The following WWOX variants were observed in gnomAD, a reference collection of about 807,000 sequenced individuals.
WWOX encodes the protein WW domain-containing oxidoreductase.
In WWOX, 69 loss-of-function variants were observed where a neutral mutation model predicts 46.2. The ratio of observed to expected loss-of-function variants is 1.49; its 90% CI spans 1.23 to 1.82. The LOEUF (loss-of-function observed/expected upper bound fraction) is 1.82, where lower values mean the gene tolerates loss of function less well. WWOX is among the 40% of genes most tolerant of loss of function. WWOX has a pLI of 0.00. For missense variants in WWOX, 919 were observed against 542.6 expected (o/e 1.69, Z -6.89); for synonymous variants, 359 against 202.6 (o/e 1.77, Z -6.56).
chr16:79,067,642 G>T (rs530311835), intron 8 of WWOX, among the ~76,000 whole-genome samples: 3 of 142,790 alleles, frequency 2.1e-5, no homozygotes, highest in Non-Finnish European at 3.1e-5. Flanking sequence ...GGGGGCGGGG[G>T]GGGGCACTTA....
At chr16:78,988,809 C>A (rs140564278) in intron 8 of WWOX, among the ~76,000 whole-genome samples, 1 of 152,198 alleles carries the variant, frequency 6.6e-6, no homozygotes, top group Non-Finnish European at 1.5e-5. Flanking sequence ...CCTGTCCTTT[C>A]TCAGCCGTGG....
chr16:78,527,583 C>T (rs575042970), intron 8 of WWOX, among the ~76,000 whole-genome samples: 6 of 152,250 alleles, frequency 3.9e-5, no homozygotes, highest in East Asian at 1.9e-4. Context: ...CATGAGCCAT[C>T]GCGCCCAGCC....
At chr16:78,620,895 G>A (rs1413246432) in intron 8 of WWOX, among the ~76,000 whole-genome samples, 1 of 152,002 alleles carries the variant, frequency 6.6e-6, no homozygotes, top group Admixed American at 6.6e-5. Context: ...CGTATATTTG[G>A]TTGGAATTTT....
chr16:79,108,003 A>G (rs113137015), intron 8 of WWOX, among the ~76,000 whole-genome samples: 5,743 of 152,346 alleles, frequency 0.038, 150 homozygotes, highest in Non-Finnish European at 0.054. Flanking sequence ...TATTCAGCAT[A>G]TGTATTACAA....
chr16:78,902,186 C>T (rs541643352), intron 8 of WWOX, among the ~76,000 whole-genome samples: 38 of 152,282 alleles, frequency 2.5e-4, no homozygotes, highest in Non-Finnish European at 4.3e-4. Flanking sequence ...TGCAGCTGAT[C>T]CGGTGGTGTC....
rs185317338 is a variant in WWOX, at chr16:78,818,224, T to C, written c.1056+385472T>C. On this transcript the variant is annotated intron_variant, in intron 8 of 8. Coordinates refer to ENST00000566780, the MANE Select transcript of WWOX (RefSeq NM_016373.4). Reference sequence around the variant, plus strand: ...CCTGGAAAGGCTAATGGCTGAAGGCTACAGGTTACCCTGGAAGGGAGACCT... The same window carrying C: ...CCTGGAAAGGCTAATGGCTGAAGGCCACAGGTTACCCTGGAAGGGAGACCT... 2.9e-4 allele frequency among the ~76,000 whole-genome samples: 44 copies of C among 152,310 alleles called. No individual in the cohort carries two copies. The East Asian group carries it at 8.3e-3, about 29-fold the overall frequency.
chr16:78,707,376 CCTT>C (rs2048347962), intron 8 of WWOX, among the ~76,000 whole-genome samples: 1 of 152,174 alleles, frequency 6.6e-6, no homozygotes, highest in Non-Finnish European at 1.5e-5. Context: ...GGCCATGCGT[CCTT>C]GTCTGTGCCA....
rs185919509 is a variant in WWOX, at chr16:79,088,808, G to A, written c.1057-122800G>A. Among the ~76,000 whole-genome samples the A allele has an allele frequency of 2.0e-5, 3 of 152,070 alleles. No individual in the cohort carries two copies. In the South Asian group the frequency reaches 6.2e-4, roughly 32 times the overall value. ...TGCAGATATTCAAAGAGAATTCATC[G>A]TCCACCCAACGGCAAAGTCCATAGA... On this transcript the variant is annotated intron_variant, in intron 8 of 8. Transcript: ENST00000566780.
intron 8 of WWOX, among the ~76,000 whole-genome samples, chr16:78,809,934 A>T (rs1346889203): frequency 7.2e-5 from 11 of 152,148 alleles, no homozygotes; most frequent in Admixed American, 7.2e-4. Context: ...TCTCAAAGCA[A>T]AGTCTCCCTT....
intron 8 of WWOX, among the ~76,000 whole-genome samples, chr16:79,028,373 G>T (rs1414455399): frequency 6.6e-6 from 1 of 151,822 alleles, no homozygotes; most frequent in Non-Finnish European, 1.5e-5. Flanking sequence ...GCTAAATTCA[G>T]TCCAGACATT....
At chr16:79,070,673 A>G (rs1489078874) in intron 8 of WWOX, among the ~76,000 whole-genome samples, 4 of 152,222 alleles carry the variant, frequency 2.6e-5, no homozygotes, top group Non-Finnish European at 5.9e-5. Flanking sequence ...AGAGATGTCA[A>G]CAATCCAGGA....
intron 5 of WWOX, chr16:78,168,269 G>A (rs570699201): frequency 5.3e-5 from 8 of 152,170 alleles, no homozygotes; most frequent in Admixed American, 2.0e-4. Flanking sequence ...TGCACATTCC[G>A]GGATCGCCAT....
chr16:78,652,425 A>G (rs12929039), intron 8 of WWOX, among the ~76,000 whole-genome samples: 7 of 150,016 alleles, frequency 4.7e-5, no homozygotes, highest in African/African-American at 1.5e-4. Context: ...AAAAAAAAAA[A>G]AAAAAAGAAA....
intron 8 of WWOX, among the ~76,000 whole-genome samples, chr16:78,454,891 G>A (rs890046464): frequency 1.8e-4 from 28 of 152,270 alleles, no homozygotes; most frequent in African/African-American, 6.5e-4. Flanking sequence ...TCACCACCCC[G>A]CTAGATCACA....
chr16:79,057,819 A>T (rs992463976), intron 8 of WWOX, among the ~76,000 whole-genome samples: 6 of 152,166 alleles, frequency 3.9e-5, no homozygotes, highest in African/African-American at 1.4e-4. Flanking sequence ...CCATATTGCC[A>T]AGTTCCGCTG....
chr16:78,185,984 CA>C (rs1275384488), intron 5 of WWOX, among the ~76,000 whole-genome samples: 2 of 152,082 alleles, frequency 1.3e-5, no homozygotes, highest in Non-Finnish European at 2.9e-5. Context: ...ACTTTAACAG[CA>C]ACTTAAAGGC....
intron 8 of WWOX, among the ~76,000 whole-genome samples, chr16:78,608,668 C>G (rs2045823724): frequency 6.6e-6 from 1 of 152,160 alleles, no homozygotes; most frequent in Non-Finnish European, 1.5e-5. Context: ...TGGCGTCCAC[C>G]CTTGGTTTCA....
At chr16:78,337,242 T>G (rs907347554) in intron 5 of WWOX, among the ~76,000 whole-genome samples, 4 of 152,238 alleles carry the variant, frequency 2.6e-5, no homozygotes, top group Non-Finnish European at 4.4e-5. Flanking sequence ...GTAGGAATCC[T>G]GCAGACAGAA....
chr16:78,653,577 A>G (rs1434816009), intron 8 of WWOX, among the ~76,000 whole-genome samples: 2 of 152,232 alleles, frequency 1.3e-5, no homozygotes, highest in Admixed American at 6.5e-5. Context: ...CTTCCTCTGG[A>G]CACTGGCGCA....
Sources: allele counts gnomAD v4.1 joint callset (sites outside exome capture counted in the v4.1 genomes callset), GRCh38; gene constraint gnomAD v4.1.1; transcripts MANE v1.5; gene names NCBI Gene and HGNC (gene_info 2026-07-23, HGNC 2026-07-21).